The following R3HDM2 variants were observed in gnomAD, a reference collection of about 807,000 sequenced individuals.
The protein encoded by R3HDM2 is R3H domain-containing protein 2.
Under a neutral mutation model 124.5 loss-of-function variants are expected in R3HDM2, and 38 were observed. The ratio of observed to expected loss-of-function variants is 0.31; its 90% CI spans 0.24 to 0.40. R3HDM2 has a LOEUF of 0.40. R3HDM2 is among the 10% of genes least tolerant of loss of function. The probability of loss-of-function intolerance (pLI) is 1.00; values close to 1 mark genes in which losing one functional copy is unlikely to be tolerated. For missense variants in R3HDM2, 869 were observed against 1,236.9 expected (o/e 0.70, Z 4.46); for synonymous variants, 391 against 448.0 (o/e 0.87, Z 1.61).
rs924725701 is a variant in R3HDM2, at chr12:57,254,075, A to G, written c.*698T>C. On this transcript the variant is annotated 3_prime_UTR_variant, in exon 24 of 24. Coordinates refer to ENST00000402412, the MANE Select transcript of R3HDM2 (RefSeq NM_001394031.1). ...ATTCTGTCCATATAAATATATTCAT[A>G]AAGACCAAAAAAGGAAAGGAAGCTT... The G allele has an allele frequency of 9.4e-6, 4 of 423,898 alleles. No individual in the cohort carries two copies. The highest frequency in any genetic ancestry group is 6.3e-5 in the African/African-American group (3 of 47,520). 26.3% of individuals were successfully genotyped at this position (423,898 alleles called of 1,614,324 possible).
In R3HDM2 at chr12:57,371,083, C is replaced by CTTTTTTTTTTTTTT. The variant is rs775839017; in HGVS notation, c.-36+24652_-36+24665dup. Among the ~76,000 whole-genome samples the CTTTTTTTTTTTTTT allele has an allele frequency of 2.8e-3, 113 of 40,894 alleles. 35 individuals carry two copies. Among genetic ancestry groups the CTTTTTTTTTTTTTT allele is most frequent in the South Asian group, 9.9e-3 (6 of 606 alleles). The allele number at this position is 40,894 out of a possible 152,430, so 26.8% of individuals were successfully genotyped here. ...AATGGGAACCAAATATATACCATTA[C>CTTTTTTTTTTTTTT]TTTTTTTTTTTTTTTTTTTTTTTTT... On this transcript the variant is annotated intron_variant, in intron 2 of 23. Transcript: ENST00000402412.
intron 7 of R3HDM2, chr12:57,297,782 T>C (rs2050204643): frequency 2.7e-6 from 1 of 374,812 alleles, no homozygotes; most frequent in African/African-American, 2.1e-5. Context: ...GTGCTTTTTA[T>C]TTTAGCTCTT....
intron 3 of R3HDM2, among the ~76,000 whole-genome samples, chr12:57,306,118 T>C (rs1297323190): frequency 6.6e-6 from 1 of 152,196 alleles, no homozygotes; most frequent in Non-Finnish European, 1.5e-5. Context: ...TACAAAAGCA[T>C]GCTTTCCCCA....
At chr12:57,384,247 G>A (rs1243418280) in intron 2 of R3HDM2, among the ~76,000 whole-genome samples, 6 of 151,798 alleles carry the variant, frequency 4.0e-5, no homozygotes, top group Non-Finnish European at 8.8e-5. Context: ...CCAGCTACTC[G>A]GGAGGCTGAG....
intron 13 of R3HDM2, among the ~76,000 whole-genome samples, chr12:57,282,744 GAAAAT>G (rs1011505569): frequency 4.6e-5 from 7 of 152,230 alleles, no homozygotes; most frequent in Admixed American, 2.6e-4. Flanking sequence ...TTACATAAAA[GAAAAT>G]AAAAGTGTGG....
At chr12:57,255,190 T>C (rs2038573574) in intron 23 of R3HDM2, 77 bp from the exon 24 acceptor site, 1 of 1,236,810 alleles carries the variant, frequency 8.1e-7, no homozygotes, top group Non-Finnish European at 1.1e-6. Flanking sequence ...AGCAGAGAAG[T>C]GTCCAGCTGA....
chr12:57,389,432 G>A (rs1170682195), intron 2 of R3HDM2, among the ~76,000 whole-genome samples: 1 of 152,192 alleles, frequency 6.6e-6, no homozygotes, highest in Non-Finnish European at 1.5e-5. Context: ...TTATTGAAAA[G>A]TGGCCTAATT....
chr12:57,292,755 T>A, intron 10 of R3HDM2, 88 bp from the exon 11 acceptor site: 1 of 842,616 alleles, frequency 1.2e-6, no homozygotes, highest in Non-Finnish European at 1.8e-6. Context: ...ACCGGGAAAG[T>A]TTATAGTTGC....
chr12:57,266,672 C>T (rs1332413959), intron 19 of R3HDM2, 59 bp downstream of exon 19: 2 of 1,350,210 alleles, frequency 1.5e-6, no homozygotes, highest in African/African-American at 1.4e-5. Flanking sequence ...AGAGCACAGG[C>T]CCTTCAGCAA....
chr12:57,292,242 A>C (rs879700844), intron 11 of R3HDM2, among the ~76,000 whole-genome samples: 2 of 152,246 alleles, frequency 1.3e-5, no homozygotes, highest in Non-Finnish European at 2.9e-5. Flanking sequence ...GAGGGTAAGC[A>C]GAAGGAGGGT....
intron 18 of R3HDM2, among the ~76,000 whole-genome samples, chr12:57,267,615 G>A (rs191085572): frequency 1.3e-5 from 2 of 152,040 alleles, no homozygotes; most frequent in African/African-American, 4.8e-5. Flanking sequence ...AAAAAATAAC[G>A]CCACAAAACT....
intron 15 of R3HDM2, 107 bp downstream of exon 15, chr12:57,269,645 G>A: frequency 3.3e-6 from 5 of 1,512,912 alleles, no homozygotes; most frequent in Non-Finnish European, 4.5e-6. Flanking sequence ...CAAGTGCAAG[G>A]TAGGGAGAGG....
chr12:57,421,647 T>C (rs1301171573), intron 1 of R3HDM2, among the ~76,000 whole-genome samples: 6 of 151,460 alleles, frequency 4.0e-5, no homozygotes, highest in Non-Finnish European at 5.9e-5. Flanking sequence ...GCTGGGACTA[T>C]AGGTGTGTGC....
At chr12:57,354,550 T>G (rs1272346239) in intron 2 of R3HDM2, among the ~76,000 whole-genome samples, 1 of 152,096 alleles carries the variant, frequency 6.6e-6, no homozygotes, top group Non-Finnish European at 1.5e-5. Flanking sequence ...TGCCTCAGCC[T>G]CCCAAAGTGC....
At chr12:57,268,642 T>A (rs1034491319) in intron 17 of R3HDM2, 185 bp from the exon 18 acceptor site, 15 of 735,904 alleles carry the variant, frequency 2.0e-5, no homozygotes, top group Non-Finnish European at 3.3e-5. Context: ...CTTCTTCAAA[T>A]ACCACCCTTG....
chr12:57,280,987 T>C (rs1478372524), intron 13 of R3HDM2, among the ~76,000 whole-genome samples: 2 of 152,254 alleles, frequency 1.3e-5, no homozygotes, highest in African/African-American at 4.8e-5. Context: ...ACATCTCTTA[T>C]AAAAGTTGCT....
intron 1 of R3HDM2, among the ~76,000 whole-genome samples, chr12:57,396,483 A>G (rs1457232746): frequency 6.6e-6 from 1 of 151,040 alleles, no homozygotes. Flanking sequence ...AAAAAAATAA[A>G]AAAGAGTAGT....
intron 10 of R3HDM2, 83 bp from the exon 11 acceptor site, chr12:57,292,750 G>A: frequency 3.4e-6 from 3 of 893,324 alleles, no homozygotes; most frequent in East Asian, 2.7e-5. Context: ...GAGAAACCGG[G>A]AAAGTTTATA....
chr12:57,414,844 A>G (rs955333475), intron 1 of R3HDM2, among the ~76,000 whole-genome samples: 1 of 151,954 alleles, frequency 6.6e-6, no homozygotes, highest in Non-Finnish European at 1.5e-5. Flanking sequence ...AAAAAAAAAA[A>G]TACAAAAGAA....
Sources: allele counts gnomAD v4.1 joint callset (sites outside exome capture counted in the v4.1 genomes callset), GRCh38; gene constraint gnomAD v4.1.1; transcripts MANE v1.5; gene names NCBI Gene and HGNC (gene_info 2026-07-23, HGNC 2026-07-21).